The following KLB variants were observed in gnomAD, a reference collection of about 807,000 sequenced individuals.
The protein encoded by KLB is klotho beta.
A neutral mutation model predicts 88.4 loss-of-function variants in KLB; 44 were observed. The observed-to-expected ratio is 0.50, with a 90% confidence interval of 0.39 to 0.64. The LOEUF (loss-of-function observed/expected upper bound fraction) is 0.64. Among genes scored for constraint, KLB ranks in the 30% least tolerant of loss-of-function variants. The probability of loss-of-function intolerance (pLI) is 0.00; values close to 1 mark genes in which losing one functional copy is unlikely to be tolerated. For synonymous variants in KLB, 548 were observed against 513.4 expected, an observed-to-expected ratio of 1.07 and a Z score of -0.91; for missense variants, 1,137 against 1,304.8, an observed-to-expected ratio of 0.87 and a Z score of 1.98.
intron 1 of KLB, among the ~76,000 whole-genome samples, chr4:39,417,312 G>C (rs1184076014): frequency 6.6e-6 from 1 of 151,464 alleles, no homozygotes; most frequent in Non-Finnish European, 1.5e-5. Flanking sequence ...TTTTTTGTTT[G>C]TTTGTTTGTT....
rs143866513 is a variant in KLB, at chr4:39,446,523, T to C, written c.1797T>C (p.Phe599=). The C allele has an allele frequency of 1.3e-5, 21 of 1,614,126 alleles. No individual in the cohort carries two copies. Among genetic ancestry groups the C allele is most frequent in the Non-Finnish European group, 1.8e-5 (21 of 1,180,044 alleles). ...LARMKVTHYR[F]ALDWASVLPT... Reference sequence around the variant, plus strand: ...GAATGAAAGTCACCCACTACCGGTTTGCTCTGGATTGGGCCTCGGTCCTTC... The same window carrying C: ...GAATGAAAGTCACCCACTACCGGTTCGCTCTGGATTGGGCCTCGGTCCTTC... The change falls in exon 4 of 5, where the codon TTT becomes TTC. Residue 599 remains phenylalanine (F), a synonymous_variant. Coordinates refer to ENST00000257408, the MANE Select transcript of KLB (RefSeq NM_175737.4). This position sits in a 1 kb window ranked among gnomAD's most constrained non-coding sequence, Gnocchi z 6.4.
chr4:39,446,735 T>A lies in KLB; in HGVS notation c.2009T>A (p.Phe670Tyr), dbSNP rs760151472. The A allele has an allele frequency of 6.2e-7, 1 of 1,606,080 alleles. No individual in the cohort carries two copies. Among genetic ancestry groups the A allele is most frequent in the Non-Finnish European group, 8.5e-7 (1 of 1,175,518 alleles). The change falls in exon 4 of 5, where the codon TTC becomes TAC. Residue 670 changes from phenylalanine (F) to tyrosine (Y), a missense_variant. Phe to Tyr is a conservative substitution (Grantham distance 22, BLOSUM62 3). This residue lies in a region of KLB where 597 missense variants were observed against 765.2 expected (regional missense o/e 0.78). Coordinates refer to ENST00000257408, the MANE Select transcript of KLB (RefSeq NM_175737.4). This position sits in a 1 kb window ranked among gnomAD's most constrained non-coding sequence, Gnocchi z 6.4. ...CTGAACCCATCGACGGCCGAGGCCT[T>A]CCAGGCCTACGCTGGGCTGTGCTTC... ...GWLNPSTAEA[F>Y]QAYAGLCFQE...
At chr4:39,442,290 T>C (rs1195831510) in intron 3 of KLB, among the ~76,000 whole-genome samples, 1 of 152,154 alleles carries the variant, frequency 6.6e-6, no homozygotes, top group African/African-American at 2.4e-5. Context: ...TCTATCTTAT[T>C]TTCCCTAGCC....
chr4:39,443,571 C>A (rs1462546320), intron 3 of KLB, among the ~76,000 whole-genome samples: 1 of 133,514 alleles, frequency 7.5e-6, no homozygotes, highest in African/African-American at 2.9e-5. Flanking sequence ...GCCTGGCCAA[C>A]GTGGCAAAAT....
rs1743847311 is a variant in KLB, at chr4:39,449,726, A to T, written c.*1040A>T. On this transcript the variant is annotated 3_prime_UTR_variant, in exon 5 of 5. Coordinates refer to ENST00000257408, the MANE Select transcript of KLB (RefSeq NM_175737.4). ...GATCACCTGAGGTTAGGAGTTCGAG[A>T]CTAGCCTGGCCAACATGGCAAAACC... 6.6e-6 allele frequency: 1 copy of T among 152,246 alleles called. No homozygotes were observed. Among genetic ancestry groups the T allele is most frequent in the South Asian group, 2.1e-4 (1 of 4,838 alleles). 9.4% of individuals were successfully genotyped at this position (152,246 alleles called of 1,614,324 possible).
intron 3 of KLB, among the ~76,000 whole-genome samples, chr4:39,443,397 A>T (rs1339934406): frequency 6.6e-6 from 1 of 150,890 alleles, no homozygotes; most frequent in Non-Finnish European, 1.5e-5. Flanking sequence ...AAGAAAAAAG[A>T]AAAAAAAAGG....
intron 1 of KLB, among the ~76,000 whole-genome samples, chr4:39,433,494 T>C (rs1437396870): frequency 6.6e-6 from 1 of 152,210 alleles, no homozygotes; most frequent in African/African-American, 2.4e-5. Context: ...TACTCATTTA[T>C]AGGATTCAGG....
chr4:39,446,952 G>T lies in KLB; in HGVS notation c.2226G>T (p.Leu742=). The T allele has an allele frequency of 1.2e-6, 2 of 1,605,680 alleles. No individual in the cohort carries two copies. The change falls in exon 4 of 5, where the codon CTG becomes CTT. Residue 742 remains leucine (L), a synonymous_variant. Transcript: ENST00000257408. This position sits in a 1 kb window ranked among gnomAD's most constrained non-coding sequence, Gnocchi z 6.4. ...AGCGCGGGGCCGTGTCGCTGTCGCT[G>T]CACGCGGACTGGGCGGAACCCGCCA... ...PSQRGAVSLS[L]HADWAEPANP...
intron 1 of KLB, among the ~76,000 whole-genome samples, chr4:39,408,548 C>CATTGACCCAAA (rs1397108205): frequency 2.0e-5 from 3 of 152,138 alleles, no homozygotes; most frequent in African/African-American, 4.8e-5. Context: ...ACAGTTGATC[C>CATTGACCCAAA]TCTTAACAGC....
chr4:39,411,980 TAAG>T (rs1742862390), intron 1 of KLB: 1 of 151,546 alleles, frequency 6.6e-6, no homozygotes, highest in Non-Finnish European at 1.5e-5. Context: ...TCCCACTATA[TAAG>T]AATGATACAA....
chr4:39,450,694 T>A lies in KLB; in HGVS notation c.*2008T>A, dbSNP rs1743871913. On this transcript the variant is annotated 3_prime_UTR_variant, in exon 5 of 5. Coordinates refer to ENST00000257408, the MANE Select transcript of KLB (RefSeq NM_175737.4). The stretch of plus-strand genomic sequence containing the variant: ...ACGCATACAACTAGTCAATTCTGTT[T>A]TTATTACTCTAACTATGTAGAAACA... 1 of 152,198 alleles carries A rather than the reference T, an allele frequency of 6.6e-6. No individual in the cohort carries two copies. Among genetic ancestry groups the A allele is most frequent in the African/African-American group, 2.4e-5 (1 of 41,444 alleles). The allele number at this position is 152,198 out of a possible 1,614,324, so 9.4% of individuals were successfully genotyped here.
rs1361313409 is a variant in KLB at position 39,418,927 on chromosome 4, GTCAAA to G, written c.825+11154_825+11158del. 2.8e-5 allele frequency among the ~76,000 whole-genome samples: 4 copies of G among 142,770 alleles called. 1 individual carries two copies. The highest frequency in any genetic ancestry group is 1.0e-4 in the African/African-American group (4 of 38,892). The allele number at this position is 142,770 out of a possible 152,430, so 93.7% of individuals were successfully genotyped here. On this transcript the variant is annotated intron_variant, in intron 1 of 4. Transcript: ENST00000257408. ...CGCACCGCTGCACTCCAGCTTGGATGTCAAAGATGCCATCTCTAAAAAAAAAAAAA... is the reference window on the plus strand; with the variant it reads ...CGCACCGCTGCACTCCAGCTTGGATGGATGCCATCTCTAAAAAAAAAAAAA...
At chr4:39,426,438 AGG>A (rs373307781) in intron 1 of KLB, among the ~76,000 whole-genome samples, 1 of 50,566 alleles carries the variant, frequency 2.0e-5, no homozygotes. Context: ...AAAAAAAAAA[AGG>A]GCCATGAAAT....
At chr4:39,411,506 G>A (rs1742847012) in intron 1 of KLB, among the ~76,000 whole-genome samples, 1 of 147,432 alleles carries the variant, frequency 6.8e-6, no homozygotes, top group South Asian at 2.1e-4. Flanking sequence ...GAATGAGGAT[G>A]TATTTTTTGG....
intron 2 of KLB, 120 bp from the exon 3 acceptor site, chr4:39,437,607 T>G (rs1451817629): frequency 6.7e-6 from 8 of 1,198,034 alleles, no homozygotes. Flanking sequence ...ACAGCAGACC[T>G]GAAAATTAGG....
chr4:39,415,573 T>G (rs1742948165), intron 1 of KLB, among the ~76,000 whole-genome samples: 1 of 152,202 alleles, frequency 6.6e-6, no homozygotes, highest in Admixed American at 6.5e-5. Flanking sequence ...TGAAAATAAT[T>G]TAAATAATGT....
intron 1 of KLB, among the ~76,000 whole-genome samples, chr4:39,422,095 T>C (rs1046811138): frequency 6.6e-6 from 1 of 152,214 alleles, no homozygotes; most frequent in Non-Finnish European, 1.5e-5. Context: ...CCCTTGGTTT[T>C]GTGTCATGTC....
chr4:39,446,301 T>C lies in KLB; in HGVS notation c.1606-31T>C, dbSNP rs1290966845. 6.3e-7 allele frequency: 1 copy of C among 1,593,758 alleles called. No homozygotes were observed. Among genetic ancestry groups the C allele is most frequent in the African/African-American group, 1.3e-5 (1 of 74,604 alleles). ...ACTTGAGCCTCCATCTGCCAGCGCA[T>C]GCTTGACCTAAATGAGCTTGTTTTT... On this transcript the variant is annotated intron_variant, in intron 3 of 4. Transcript: ENST00000257408. The surrounding 1 kb of genome is among the most constrained non-coding windows in gnomAD (Gnocchi z 6.4).
rs35029761 is a variant in KLB, at chr4:39,428,428, CA to C, written c.826-5768del. ...AGGCAACAAGAGTGAAACTACGTCT[CA>C]AAAAAAAAAAAAAGAATGAAAGAAA... On this transcript the variant is annotated intron_variant, in intron 1 of 4. Coordinates refer to ENST00000257408, the MANE Select transcript of KLB (RefSeq NM_175737.4). 5.4e-3 allele frequency among the ~76,000 whole-genome samples: 732 copies of C among 136,196 alleles called. 5 individuals carry two copies. Among genetic ancestry groups the C allele is most frequent in the African/African-American group, 0.017 (592 of 34,606 alleles). 89.3% of individuals were successfully genotyped at this position (136,196 alleles called of 152,430 possible).
Sources: allele counts gnomAD v4.1 joint callset (sites outside exome capture counted in the v4.1 genomes callset), GRCh38; gene constraint gnomAD v4.1.1; regional missense constraint gnomAD v4.1.1; non-coding constraint Gnocchi (gnomAD v3.1); transcripts MANE v1.5; gene names NCBI Gene and HGNC (gene_info 2026-07-23, HGNC 2026-07-21).